Variants in KLHL1 observed in about 807,000 individuals in gnomAD.
The protein encoded by KLHL1 is kelch like family member 1.
In KLHL1, 47 loss-of-function variants were observed where a neutral mutation model predicts 77.7. The ratio of observed to expected loss-of-function variants is 0.60; its 90% confidence interval spans 0.48 to 0.77. The LOEUF (loss-of-function observed/expected upper bound fraction) is 0.77. KLHL1 is among the 30% of genes least tolerant of loss of function. The pLI is 0.00. For missense variants in KLHL1, 925 were observed against 910.8 expected, an observed-to-expected ratio of 1.02 and a Z score of -0.20; for synonymous variants, 360 against 325.2, an observed-to-expected ratio of 1.11 and a Z score of -1.15.
At chr13:69,826,633 G>A (rs1388712949) in intron 6 of KLHL1, among the ~76,000 whole-genome samples, 1 of 152,008 alleles carries the variant, frequency 6.6e-6, no homozygotes, top group Non-Finnish European at 1.5e-5. Flanking sequence ...GTTCTCAGCA[G>A]GGAAAAATAT....
In KLHL1 at chr13:69,707,776, G is replaced by A. The variant is rs1226120878; in HGVS notation, c.2036C>T (p.Thr679Ile). ...ACTCAAAGGAGCCACCATGGTCCAAGTGTCTGTTTTGGGATCATATCTAAA... is the reference window on the plus strand; with the variant it reads ...ACTCAAAGGAGCCACCATGGTCCAAATGTCTGTTTTGGGATCATATCTAAA... ...YVERYDPKTD[T>I]WTMVAPLSMP... is the part of the protein sequence containing the mutation. Residue 679 changes from threonine (T) to isoleucine (I), a missense_variant, in exon 10 of 11, where the codon ACT becomes ATT. Transcript: ENST00000377844. The A allele has an allele frequency of 1.9e-6, 3 of 1,612,448 alleles. No individual in the cohort carries two copies. The highest frequency in any genetic ancestry group is 2.5e-6 in the Non-Finnish European group (3 of 1,179,008).
intron 7 of KLHL1, among the ~76,000 whole-genome samples, chr13:69,769,885 G>C (rs1875479685): frequency 6.6e-6 from 1 of 152,072 alleles, no homozygotes; most frequent in Admixed American, 6.5e-5. Context: ...GAATGAAAAG[G>C]GGTGAAACAC....
chr13:70,041,969 T>C (rs1886388947), intron 1 of KLHL1, among the ~76,000 whole-genome samples: 1 of 151,980 alleles, frequency 6.6e-6, no homozygotes, highest in Admixed American at 6.6e-5. Flanking sequence ...TCTTTGTTTG[T>C]TTCCTGTTGT....
intron 4 of KLHL1, among the ~76,000 whole-genome samples, chr13:69,928,939 G>T (rs2482563): frequency 0.87 from 131,736 of 152,038 alleles, 57,637 homozygotes; most frequent in Non-Finnish European, 0.94. Flanking sequence ...TATTATAAAA[G>T]ATATAAATTT....
intron 7 of KLHL1, among the ~76,000 whole-genome samples, chr13:69,744,992 A>C (rs1404424147): frequency 6.6e-6 from 1 of 152,014 alleles, no homozygotes; most frequent in Admixed American, 6.6e-5. Context: ...TCTGGGTCAT[A>C]GAATATACTT....
intron 7 of KLHL1, among the ~76,000 whole-genome samples, chr13:69,794,229 T>C (rs1325597483): frequency 6.6e-6 from 1 of 152,160 alleles, no homozygotes; most frequent in Non-Finnish European, 1.5e-5. Flanking sequence ...GCAAATAGGT[T>C]GAGCGAAGTC....
At chr13:69,799,658 A>G (rs1427096055) in intron 6 of KLHL1, among the ~76,000 whole-genome samples, 1 of 152,200 alleles carries the variant, frequency 6.6e-6, no homozygotes, top group African/African-American at 2.4e-5. Flanking sequence ...GTTATCTTAC[A>G]GTTCAGGAGG....
intron 1 of KLHL1, among the ~76,000 whole-genome samples, chr13:70,065,745 C>G (rs1886992792): frequency 6.6e-6 from 1 of 152,110 alleles, no homozygotes; most frequent in Admixed American, 6.5e-5. Context: ...TGCAGTTTTA[C>G]TTTAATGCCA....
At chr13:69,833,378 G>T (rs760177191) in intron 6 of KLHL1, among the ~76,000 whole-genome samples, 3 of 151,898 alleles carry the variant, frequency 2.0e-5, no homozygotes, top group Non-Finnish European at 4.4e-5. Context: ...CTAATGATCA[G>T]GGAAATGCAA....
rs1045869717 is a variant in KLHL1 at position 70,108,192 on chromosome 13, C to A, written c.-493G>T. The A allele has an allele frequency of 1.3e-5, 5 of 396,556 alleles. No individual in the cohort carries two copies. In the South Asian group the frequency reaches 5.7e-4, roughly 45 times the overall value. 24.6% of individuals were successfully genotyped at this position (396,556 alleles called of 1,614,324 possible). On this transcript the variant is annotated 5_prime_UTR_variant, in exon 1 of 11. Transcript: ENST00000377844. ...AGCTCAGAGTTCAGTGTCTGGAGAG[C>A]GCAGAGAGAAAGAGCCCCAAGTCTC...
intron 4 of KLHL1, among the ~76,000 whole-genome samples, chr13:69,904,960 G>T (rs1450943444): frequency 1.3e-5 from 2 of 152,056 alleles, no homozygotes; most frequent in African/African-American, 2.4e-5. Flanking sequence ...ACTAGAGAAT[G>T]GAAAATCTGC....
intron 5 of KLHL1, among the ~76,000 whole-genome samples, chr13:69,853,464 T>C (rs934899304): frequency 6.6e-6 from 1 of 151,992 alleles, no homozygotes; most frequent in African/African-American, 2.4e-5. Flanking sequence ...CTCTTTCCTT[T>C]ACAAATTACC....
At chr13:69,869,047 G>T (rs1323337415) in intron 5 of KLHL1, among the ~76,000 whole-genome samples, 1 of 151,928 alleles carries the variant, frequency 6.6e-6, no homozygotes, top group African/African-American at 2.4e-5. Flanking sequence ...GAAGCTAACG[G>T]CAGCTAGAAA....
rs58655438 is a variant in KLHL1, at chr13:69,961,837, C to T, written c.681-393G>A. On this transcript the variant is annotated intron_variant, in intron 2 of 10. Transcript: ENST00000377844. ...TGAGATTTCTATTATGTTTTATTTG[C>T]CTGTTCTTGTGCCAATAAAATAGTA... Among the ~76,000 whole-genome samples, 801 of 143,594 alleles carry T rather than the reference C, an allele frequency of 5.6e-3. 8 individuals are homozygous for T. The highest frequency in any genetic ancestry group is 0.02 in the African/African-American group (766 of 39,030). The allele number at this position is 143,594 out of a possible 152,430, so 94.2% of individuals were successfully genotyped here.
chr13:69,967,405 C>G (rs1482796107), intron 2 of KLHL1, among the ~76,000 whole-genome samples: 2 of 152,124 alleles, frequency 1.3e-5, no homozygotes, highest in Non-Finnish European at 2.9e-5. Flanking sequence ...GAAGTAACCT[C>G]TAACCAAAGA....
chr13:69,902,011 G>C (rs1333960302), intron 4 of KLHL1, among the ~76,000 whole-genome samples: 1 of 152,048 alleles, frequency 6.6e-6, no homozygotes, highest in Non-Finnish European at 1.5e-5. Context: ...TCTTGGTCAG[G>C]CTGGTCTTGA....
At chr13:69,845,549 A>G (rs1323229308) in intron 5 of KLHL1, among the ~76,000 whole-genome samples, 3 of 151,746 alleles carry the variant, frequency 2.0e-5, no homozygotes, top group East Asian at 3.9e-4. Context: ...ATATGAAACC[A>G]TATTATATAG....
chr13:69,812,746 A>C (rs1877939576), intron 6 of KLHL1, among the ~76,000 whole-genome samples: 1 of 151,290 alleles, frequency 6.6e-6, no homozygotes, highest in Non-Finnish European at 1.5e-5. Flanking sequence ...CCATCAGAGA[A>C]ATGCAAATCA....
chr13:69,903,793 C>G (rs1347270111), intron 4 of KLHL1, among the ~76,000 whole-genome samples: 1 of 151,518 alleles, frequency 6.6e-6, no homozygotes, highest in African/African-American at 2.4e-5. Context: ...AGGTGCGTAC[C>G]ACCATGCCCA....
Sources: allele counts gnomAD v4.1 joint callset (sites outside exome capture counted in the v4.1 genomes callset), GRCh38; gene constraint gnomAD v4.1.1; transcripts MANE v1.5; gene names NCBI Gene and HGNC (gene_info 2026-07-23, HGNC 2026-07-21).